TUBG1: variants seen among roughly 807,000 people sequenced by gnomAD.
TUBG1 encodes tubulin gamma-1 chain.
A neutral mutation model predicts 53.3 loss-of-function variants in TUBG1; 22 were observed. The ratio of observed to expected loss-of-function variants is 0.41; its 90% CI spans 0.29 to 0.59. The LOEUF (loss-of-function observed/expected upper bound fraction) is 0.59. TUBG1 is among the 20% of genes least tolerant of loss of function. The pLI is 0.26. For missense variants in TUBG1, 217 were observed against 598.9 expected (o/e 0.36, Z 6.66); for synonymous variants, 198 against 236.7 (o/e 0.84, Z 1.50).
chr17:42,610,187 G>T lies in TUBG1; in HGVS notation c.129G>T (p.Glu43Asp). 1 of 1,614,290 alleles carries T rather than the reference G, an allele frequency of 6.2e-7. No individual in the cohort carries two copies. The change falls in exon 2 of 11, where the codon GAG (glutamate) becomes GAT (aspartate). Residue 43 changes from glutamate to aspartate, a missense_variant. Transcript: ENST00000251413. The stretch of plus-strand genomic sequence containing the variant: ...GCATCGTGGAGGAGTTCGCCACCGA[G>T]GGCACTGACCGCAAGGACGTCTTTT... ...PEGIVEEFAT[E>D]GTDRKDVFFY...
At position 42,615,119 on chromosome 17, in the gene TUBG1, A is replaced by G; in HGVS notation, c.*78A>G. ...CTGACTGACCACCCCCTCAGAGCAC[A>G]GATCAGGGACCTCACGCATCTCTTT... On this transcript the variant is annotated 3_prime_UTR_variant, in exon 11 of 11. Transcript: ENST00000251413. 1 of 1,451,458 alleles carries G rather than the reference A, an allele frequency of 6.9e-7. No individual in the cohort carries two copies. Among genetic ancestry groups the G allele is most frequent in the Non-Finnish European group, 9.6e-7 (1 of 1,044,542 alleles). The allele number at this position is 1,451,458 out of a possible 1,614,324, so 89.9% of individuals were successfully genotyped here. A position where few individuals can be genotyped will look rare whatever the true frequency, so the allele number is the denominator to read the frequency against.
chr17:42,612,798 T>A, intron 5 of TUBG1, 149 bp from the exon 6 acceptor site: 3 of 1,129,502 alleles, frequency 2.7e-6, no homozygotes, highest in Non-Finnish European at 3.7e-6. Flanking sequence ...GGCTACAGAC[T>A]TCCAAAAGTC....
chr17:42,609,994 T>C, intron 1 of TUBG1, 114 bp from the exon 2 acceptor site: 1 of 1,374,354 alleles, frequency 7.3e-7, no homozygotes, highest in South Asian at 1.3e-5. Context: ...CACGGGAGAG[T>C]CCTGCGGCTT....
rs774462532 is a variant in TUBG1 at position 42,614,822 on chromosome 17, C to T, written c.1159-22C>T. ...TTATTCTTTGAAGTTCTTTGTAACC[C>T]CTGTTTTCTGCACACCCCAAGCTCT... On this transcript the variant is annotated intron_variant, in intron 10 of 10. Transcript: ENST00000251413. This position sits in a 1 kb window ranked among gnomAD's most constrained non-coding sequence, Gnocchi z 5.1. 4.2e-5 allele frequency: 67 copies of T among 1,613,966 alleles called. No homozygotes were observed. The South Asian group carries it at 7.0e-4, about 17-fold the overall frequency.
intron 6 of TUBG1, 90 bp from the exon 7 acceptor site, chr17:42,613,557 C>T (rs970927905): frequency 1.5e-5 from 24 of 1,588,944 alleles, no homozygotes; most frequent in Non-Finnish European, 2.1e-5. Flanking sequence ...CCATGAAGCT[C>T]AAAGGAAATT....
chr17:42,610,070 G>C lies in TUBG1; in HGVS notation c.50-38G>C, dbSNP rs199751419. Reference sequence around the variant, plus strand: ...CCTGATTGGAACCTGCCCGGACCTAGATATCTTCTTTCTCCCCTGCCCGCC... The same window carrying C: ...CCTGATTGGAACCTGCCCGGACCTACATATCTTCTTTCTCCCCTGCCCGCC... On this transcript the variant is annotated intron_variant, in intron 1 of 10. Coordinates refer to ENST00000251413, the MANE Select transcript of TUBG1 (RefSeq NM_001070.5). The C allele has an allele frequency of 3.7e-6, 6 of 1,612,408 alleles. No individual in the cohort carries two copies. In the East Asian group the frequency reaches 1.1e-4, roughly 30 times the overall value.
chr17:42,612,874 A>T, intron 5 of TUBG1, 73 bp from the exon 6 acceptor site: 1 of 1,589,050 alleles, frequency 6.3e-7, no homozygotes, highest in South Asian at 1.1e-5. Flanking sequence ...CTGCTTCTGG[A>T]CAGTTGTTAG....
At chr17:42,613,331 A>G (rs2052050826) in intron 6 of TUBG1, among the ~76,000 whole-genome samples, 1 of 152,060 alleles carries the variant, frequency 6.6e-6, no homozygotes, top group African/African-American at 2.4e-5. Flanking sequence ...GTGCAGAAGG[A>G]TCACTTGTGC....
At chr17:42,613,801 G>A (rs777155943) in intron 7 of TUBG1, 48 bp from the exon 8 acceptor site, 1 of 1,614,124 alleles carries the variant, frequency 6.2e-7, no homozygotes, top group Non-Finnish European at 8.5e-7. Context: ...TTGGGGAAGG[G>A]AGGTCCCACC....
chr17:42,614,461 A>C lies in TUBG1; in HGVS notation c.997-35A>C. The C allele has an allele frequency of 6.2e-7, 1 of 1,614,104 alleles. No homozygotes were observed. The highest frequency in any genetic ancestry group is 8.5e-7 in the Non-Finnish European group (1 of 1,179,984). On this transcript the variant is annotated intron_variant, in intron 9 of 10. Coordinates refer to ENST00000251413, the MANE Select transcript of TUBG1 (RefSeq NM_001070.5). This position sits in a 1 kb window ranked among gnomAD's most constrained non-coding sequence, Gnocchi z 5.1. ...CACCCTGGACCTGCAGGGGTAGAGG[A>C]GAGGCCACCTCCACTGCTCCTATGC... is the stretch of plus-strand genomic sequence containing the variant.
rs2052026135 is a variant in TUBG1, at chr17:42,610,813, C to G, written c.330+223C>G. The G allele has an allele frequency of 8.4e-6, 5 of 597,552 alleles. No individual in the cohort carries two copies. In the South Asian group the frequency reaches 1.3e-4, roughly 16 times the overall value. The allele number at this position is 597,552 out of a possible 1,614,324, so 37.0% of individuals were successfully genotyped here. On this transcript the variant is annotated intron_variant, in intron 3 of 10. Transcript: ENST00000251413. ...CATATATTAATTTTTCTAAATCTCC[C>G]AACAACCCTAGAAGTAAGTACTACA... is the stretch of plus-strand genomic sequence containing the variant.
rs2052057345 is a variant in TUBG1 at position 42,614,094 on chromosome 17, C to T, written c.843+96C>T. 1 of 1,594,598 alleles carries T rather than the reference C, an allele frequency of 6.3e-7. No individual in the cohort carries two copies. The highest frequency in any genetic ancestry group is 2.2e-5 in the East Asian group (1 of 44,684). On this transcript the variant is annotated intron_variant, in intron 8 of 10. Coordinates refer to ENST00000251413, the MANE Select transcript of TUBG1 (RefSeq NM_001070.5). This position sits in a 1 kb window ranked among gnomAD's most constrained non-coding sequence, Gnocchi z 5.1. ...TCTTCCCCACTGCCCCAGGAGCTAC[C>T]CTTTGTGGACCCCAAGGCGCGGCGC...
chr17:42,614,163 C>G lies in TUBG1; in HGVS notation c.844-97C>G, dbSNP rs1211663347. 1.9e-6 allele frequency: 3 copies of G among 1,596,204 alleles called. No individual in the cohort carries two copies. The highest frequency in any genetic ancestry group is 1.7e-6 in the Non-Finnish European group (2 of 1,169,586). On this transcript the variant is annotated intron_variant, in intron 8 of 10. Transcript: ENST00000251413. This position sits in a 1 kb window ranked among gnomAD's most constrained non-coding sequence, Gnocchi z 5.1. The stretch of plus-strand genomic sequence containing the variant: ...TGGGCGACTTTCTTGCTGACTTGCT[C>G]TCCACCCTCCCTCTGCCTTTGGCTT...
chr17:42,611,920 C>T (rs2052036920), intron 3 of TUBG1, among the ~76,000 whole-genome samples, 155 bp from the exon 4 acceptor site: 1 of 152,136 alleles, frequency 6.6e-6, no homozygotes, highest in South Asian at 2.1e-4. Flanking sequence ...CTTGTAACCA[C>T]TGCACCGTAC....
In TUBG1 at chr17:42,614,070, C is replaced by G; in HGVS notation, c.843+72C>G. 1 of 1,606,640 alleles carries G rather than the reference C, an allele frequency of 6.2e-7. No individual in the cohort carries two copies. The highest frequency in any genetic ancestry group is 8.5e-7 in the Non-Finnish European group (1 of 1,175,856). ...ACAGGCCCTGTCCTAGCCTTTCTCT[C>G]TTCCCCACTGCCCCAGGAGCTACCC... On this transcript the variant is annotated intron_variant, in intron 8 of 10. Coordinates refer to ENST00000251413, the MANE Select transcript of TUBG1 (RefSeq NM_001070.5). The surrounding 1 kb of genome is among the most constrained non-coding windows in gnomAD (Gnocchi z 5.1).
rs2052063609 is a variant in TUBG1 at position 42,614,748 on chromosome 17, T to C, written c.1158+91T>C. On this transcript the variant is annotated intron_variant, in intron 10 of 10. Transcript: ENST00000251413. This position sits in a 1 kb window ranked among gnomAD's most constrained non-coding sequence, Gnocchi z 5.1. Reference sequence around the variant, plus strand: ...ATCTGCTGGCCCTGCTTCTAGCTTTTTTGCTGTGGGCATAGCCCAGCCTTG... The same window carrying C: ...ATCTGCTGGCCCTGCTTCTAGCTTTCTTGCTGTGGGCATAGCCCAGCCTTG... The C allele has an allele frequency of 2.5e-6, 4 of 1,605,172 alleles. No homozygotes were observed. Among genetic ancestry groups the C allele is most frequent in the Non-Finnish European group, 3.4e-6 (4 of 1,174,728 alleles).
At chr17:42,610,391 G>C (rs1458060751) in intron 2 of TUBG1, 32 bp from the exon 3 acceptor site, 5 of 1,549,900 alleles carry the variant, frequency 3.2e-6, no homozygotes, top group Non-Finnish European at 3.5e-6. Context: ...CGCCCTAGCT[G>C]ATTGGGCCCC....
Position 42,614,616 on chromosome 17 carries a change from G to C in TUBG1, c.1117G>C (p.Val373Leu), listed in dbSNP as rs2052062280. ...KSPYLPSAHR[V>L]SGLMMANHTS... ...TCCCTACCTGCCCTCGGCCCACCGG[G>C]TCAGCGGGCTCATGATGGCCAACCA... The change falls in exon 10 of 11, where the codon GTC becomes CTC. Residue 373 changes from valine to leucine, a missense_variant. Physicochemically the swap from Val to Leu is conservative, Grantham distance 32. Transcript: ENST00000251413. The surrounding 1 kb of genome is among the most constrained non-coding windows in gnomAD (Gnocchi z 5.1). 12 of 1,614,120 alleles carry C rather than the reference G, an allele frequency of 7.4e-6. No individual in the cohort carries two copies. The highest frequency in any genetic ancestry group is 1.0e-5 in the Non-Finnish European group (12 of 1,179,954).
At chr17:42,612,225 G>A (rs2052041974) in intron 4 of TUBG1, 82 bp downstream of exon 4, 9 of 1,465,230 alleles carry the variant, frequency 6.1e-6, no homozygotes, top group Non-Finnish European at 8.6e-6. Context: ...TTAGGAACAA[G>A]ACCCACTCAT....
Sources: allele counts gnomAD v4.1 joint callset (sites outside exome capture counted in the v4.1 genomes callset), GRCh38; gene constraint gnomAD v4.1.1; non-coding constraint Gnocchi (gnomAD v3.1); transcripts MANE v1.5; gene names NCBI Gene and HGNC (gene_info 2026-07-23, HGNC 2026-07-21).